RALGAPA2: variants seen among roughly 807,000 people sequenced by gnomAD.
The protein encoded by RALGAPA2 is ral GTPase-activating protein subunit alpha-2.
RALGAPA2 carries 139 observed loss-of-function variants against 230.4 expected under a neutral mutation model. The observed-to-expected ratio is 0.60, with a 90% CI of 0.53 to 0.69. The LOEUF (loss-of-function observed/expected upper bound fraction) is 0.69. RALGAPA2 is among the 30% of genes least tolerant of loss of function. The pLI, the probability that RALGAPA2 is intolerant of heterozygous loss-of-function variation, is 0.00. For missense variants in RALGAPA2, 2,163 were observed against 2,276.0 expected (o/e 0.95, Z 1.01); for synonymous variants, 847 against 837.8 (o/e 1.01, Z -0.19).
intron 37 of RALGAPA2, among the ~76,000 whole-genome samples, chr20:20,450,928 C>T (rs896154538): frequency 6.6e-6 from 1 of 152,138 alleles, no homozygotes; most frequent in Non-Finnish European, 1.5e-5. Flanking sequence ...TTTGAATACT[C>T]CAGTGAATTT....
intron 10 of RALGAPA2, among the ~76,000 whole-genome samples, chr20:20,621,536 T>C (rs1216207800): frequency 1.3e-5 from 2 of 152,100 alleles, no homozygotes; most frequent in African/African-American, 4.8e-5. Context: ...TTATTATTAT[T>C]TTTTTGATAT....
In RALGAPA2 at chr20:20,640,890, T is replaced by C. The variant is rs1184670228; in HGVS notation, c.373-12A>G. 1.3e-6 allele frequency: 2 copies of C among 1,591,712 alleles called. No individual in the cohort carries two copies. Reference sequence around the variant, plus strand: ...CCTTCACATCTTATCTAAAACAAAATTAAAAACAATGAAAATGAAACACAT... The same window carrying C: ...CCTTCACATCTTATCTAAAACAAAACTAAAAACAATGAAAATGAAACACAT... On this transcript the variant is annotated splice_polypyrimidine_tract_variant and intron_variant, in intron 5 of 39. Transcript: ENST00000202677.
intron 35 of RALGAPA2, among the ~76,000 whole-genome samples, chr20:20,498,905 A>G (rs975598320): frequency 6.6e-6 from 1 of 152,186 alleles, no homozygotes; most frequent in African/African-American, 2.4e-5. Context: ...GCAAACCCCT[A>G]CAGCAGTTAG....
chr20:20,563,669 C>T (rs2064324647), intron 23 of RALGAPA2, among the ~76,000 whole-genome samples: 1 of 152,120 alleles, frequency 6.6e-6, no homozygotes, highest in South Asian at 2.1e-4. Context: ...TCCTATCATG[C>T]CCACATGTCT....
chr20:20,629,492 C>T lies in RALGAPA2; in HGVS notation c.1104G>A (p.Ser368=), dbSNP rs751734959. 3.7e-6 allele frequency: 6 copies of T among 1,613,900 alleles called. No homozygotes were observed. The highest frequency in any genetic ancestry group is 2.2e-5 in the East Asian group (1 of 44,876). The stretch of plus-strand genomic sequence containing the variant: ...GGCTGGAGTTGCTGAGTCTTCGGTC[C>T]GACAAGGTGCTGCTGTTAGAATGGC... The part of the protein sequence containing the change: ...DKSHSNSSTL[S]DRRLSNSSLC... Residue 368 remains serine (S), a synonymous_variant, in exon 10 of 40, where the codon TCG becomes TCA. Coordinates refer to ENST00000202677, the MANE Select transcript of RALGAPA2 (RefSeq NM_020343.4).
intron 16 of RALGAPA2, chr20:20,598,725 A>G: frequency 4.4e-6 from 2 of 456,424 alleles, no homozygotes; most frequent in Non-Finnish European, 8.8e-6. Flanking sequence ...CAGGTAAGAG[A>G]GCGCTCACGG....
intron 35 of RALGAPA2, among the ~76,000 whole-genome samples, chr20:20,498,891 C>T (rs998584161): frequency 1.3e-5 from 2 of 152,216 alleles, no homozygotes; most frequent in African/African-American, 4.8e-5. Flanking sequence ...TCTGTCCCCA[C>T]TCTGCAAACC....
At chr20:20,609,063 T>C (rs140023931) in intron 14 of RALGAPA2, among the ~76,000 whole-genome samples, 13 of 152,312 alleles carry the variant, frequency 8.5e-5, no homozygotes, top group South Asian at 4.1e-4. Context: ...GATGCAATCA[T>C]AGCTTGCTTA....
intron 3 of RALGAPA2, among the ~76,000 whole-genome samples, chr20:20,675,865 A>T (rs2068305823): frequency 6.6e-6 from 1 of 152,180 alleles, no homozygotes; most frequent in Admixed American, 6.5e-5. Context: ...ATCAGTTTAT[A>T]TAACATTTTT....
chr20:20,408,526 A>T (rs1481526639), intron 38 of RALGAPA2, among the ~76,000 whole-genome samples: 1 of 152,250 alleles, frequency 6.6e-6, no homozygotes, highest in Non-Finnish European at 1.5e-5. Context: ...GTCAAACACT[A>T]GACTTGATTT....
chr20:20,693,756 G>A (rs1233271414), intron 1 of RALGAPA2, among the ~76,000 whole-genome samples: 1 of 152,168 alleles, frequency 6.6e-6, no homozygotes, highest in Non-Finnish European at 1.5e-5. Context: ...TCACTGCCAA[G>A]ACTCGAACCC....
At chr20:20,556,249 G>T (rs2064079889) in intron 23 of RALGAPA2, among the ~76,000 whole-genome samples, 1 of 152,120 alleles carries the variant, frequency 6.6e-6, no homozygotes, top group Non-Finnish European at 1.5e-5. Context: ...AAAACATAAA[G>T]CCCCTTTTCT....
At chr20:20,498,230 G>A (rs567520833) in intron 35 of RALGAPA2, among the ~76,000 whole-genome samples, 1 of 152,144 alleles carries the variant, frequency 6.6e-6, no homozygotes, top group East Asian at 1.9e-4. Context: ...TGTGTAACTG[G>A]GGAAGAATGA....
intron 36 of RALGAPA2, among the ~76,000 whole-genome samples, chr20:20,473,513 C>T (rs1199520234): frequency 6.6e-6 from 1 of 152,020 alleles, no homozygotes; most frequent in Non-Finnish European, 1.5e-5. Context: ...GACAGGGTCT[C>T]CTTCTCTCAC....
intron 36 of RALGAPA2, among the ~76,000 whole-genome samples, chr20:20,481,825 A>G (rs2061782263): frequency 6.6e-6 from 1 of 152,194 alleles, no homozygotes; most frequent in African/African-American, 2.4e-5. Context: ...TATCAACTAC[A>G]TACATATTTG....
intron 37 of RALGAPA2, among the ~76,000 whole-genome samples, chr20:20,443,405 T>C (rs1175427665): frequency 6.6e-6 from 1 of 152,220 alleles, no homozygotes; most frequent in African/African-American, 2.4e-5. Flanking sequence ...TCTGGGGGCA[T>C]GGGAGAACTA....
chr20:20,707,384 C>A (rs1374136989), intron 1 of RALGAPA2, among the ~76,000 whole-genome samples: 1 of 151,244 alleles, frequency 6.6e-6, no homozygotes, highest in Admixed American at 6.6e-5. Flanking sequence ...TTACTTCTAT[C>A]AGGAAAAGGG....
intron 36 of RALGAPA2, among the ~76,000 whole-genome samples, chr20:20,486,040 G>A (rs2061900206): frequency 6.6e-6 from 1 of 152,102 alleles, no homozygotes; most frequent in South Asian, 2.1e-4. Context: ...CCAGGAAGCC[G>A]AGGTAGGAGG....
At chr20:20,426,620 C>A (rs556691929) in intron 37 of RALGAPA2, among the ~76,000 whole-genome samples, 13 of 152,308 alleles carry the variant, frequency 8.5e-5, no homozygotes, top group African/African-American at 3.1e-4. Flanking sequence ...GCTTAAGAAG[C>A]AACAGGGCTC....
Sources: allele counts gnomAD v4.1 joint callset (sites outside exome capture counted in the v4.1 genomes callset), GRCh38; gene constraint gnomAD v4.1.1; transcripts MANE v1.5; gene names NCBI Gene and HGNC (gene_info 2026-07-23, HGNC 2026-07-21).